The following COL4A5 variants were observed in gnomAD, a reference collection of about 807,000 sequenced individuals.
The protein encoded by COL4A5 is collagen alpha-5(IV) chain.
COL4A5 carries 26 observed loss-of-function variants against 130.2 expected under a neutral mutation model. The observed-to-expected ratio is 0.20, with a 90% CI of 0.15 to 0.28. The LOEUF (loss-of-function observed/expected upper bound fraction) is 0.28. Ranked by LOEUF, COL4A5 falls within the 10% of genes least tolerant of loss-of-function variation. The pLI is 1.00. For missense variants in COL4A5, 1,131 were observed against 1,344.3 expected (o/e 0.84, Z 2.48); for synonymous variants, 496 against 439.6 (o/e 1.13, Z -1.60).
At chrX:108,517,248 A>G (rs1284677904) in intron 1 of COL4A5, among the ~76,000 whole-genome samples, 1 of 111,574 alleles carries the variant, frequency 9.0e-6, no homozygotes, top group Non-Finnish European at 1.9e-5. Context: ...TTATAAATGA[A>G]TAACAATCAT....
At chrX:108,510,078 TCTTA>T (rs1489379640) in intron 1 of COL4A5, among the ~76,000 whole-genome samples, 1 of 112,188 alleles carries the variant, frequency 8.9e-6, no homozygotes, top group Non-Finnish European at 1.9e-5. Flanking sequence ...TGCTGCATGT[TCTTA>T]CTTGTAAGTG....
chrX:108,641,211 A>G (rs1479112747), intron 36 of COL4A5, among the ~76,000 whole-genome samples: 1 of 112,224 alleles, frequency 8.9e-6, no homozygotes, highest in East Asian at 2.8e-4. Flanking sequence ...TGGCTCAGCA[A>G]TTCCACTCCT....
At chrX:108,626,452 A>C (rs1382890539) in intron 36 of COL4A5, 103 bp downstream of exon 36, 7 of 1,170,140 alleles carry the variant, frequency 6.0e-6, no homozygotes, top group Non-Finnish European at 8.1e-6. Flanking sequence ...ATAGAATGAC[A>C]TAGTATATTC....
chrX:108,441,943 G>A (rs1206891823), intron 1 of COL4A5, among the ~76,000 whole-genome samples: 1 of 111,685 alleles, frequency 9.0e-6, no homozygotes, highest in African/African-American at 3.3e-5. Flanking sequence ...GAGCAAGCTT[G>A]TTTTCTTGGA....
rs1399681502 is a variant in COL4A5, at chrX:108,469,356, G to A, written c.81+29150G>A. On this transcript the variant is annotated intron_variant, in intron 1 of 52. Transcript: ENST00000328300. ...GATGGGGTCTTGCTTTGTTGCCCAG[G>A]CTGGTCTCAAACTCCTGGGCTCAAG... 2.8e-5 allele frequency among the ~76,000 whole-genome samples: 3 copies of A among 108,818 alleles called. No individual in the cohort carries two copies. The South Asian group carries it at 1.2e-3, about 44-fold the overall frequency. The allele number at this position is 108,818 out of a possible 115,157, so 94.5% of individuals were successfully genotyped here. A position where few individuals can be genotyped will look rare whatever the true frequency, so the allele number is the denominator to read the frequency against.
chrX:108,578,350 A>C lies in COL4A5; in HGVS notation c.747A>C (p.Arg249Ser), dbSNP rs756221572. ...CTGGGCAGATCAGTGAACAGAAAAG[A>C]CCAATTGATGTAGAGTTTCAGAAAG... The part of the protein sequence containing the change: ...GPPGQISEQK[R>S]PIDVEFQKGD... Residue 249 changes from arginine to serine, a missense_variant, in exon 13 of 53, where the codon AGA becomes AGC. Physicochemically the swap from Arg to Ser is moderately radical, Grantham distance 110. Coordinates refer to ENST00000328300, the MANE Select transcript of COL4A5 (RefSeq NM_033380.3). The C allele has an allele frequency of 8.3e-7, 1 of 1,209,668 alleles. No homozygotes were observed. The highest frequency in any genetic ancestry group is 1.1e-6 in the Non-Finnish European group (1 of 893,723).
chrX:108,688,397 G>A (rs888710734), intron 49 of COL4A5, among the ~76,000 whole-genome samples: 2 of 109,711 alleles, frequency 1.8e-5, no homozygotes, highest in African/African-American at 6.6e-5. Context: ...AAGTCCCATT[G>A]TCTTACCTGG....
intron 1 of COL4A5, among the ~76,000 whole-genome samples, chrX:108,479,038 C>T (rs2064863606): frequency 8.9e-6 from 1 of 112,192 alleles, no homozygotes; most frequent in Non-Finnish European, 1.9e-5. Context: ...TGAGCCCATG[C>T]ATAACCTCCA....
At chrX:108,630,452 T>C (rs1014927807) in intron 36 of COL4A5, among the ~76,000 whole-genome samples, 21 of 112,307 alleles carry the variant, frequency 1.9e-4, no homozygotes, top group African/African-American at 6.8e-4. Context: ...TGCATAAATG[T>C]CTTTTGAGAA....
chrX:108,502,070 A>T (rs2065084652), intron 1 of COL4A5, among the ~76,000 whole-genome samples: 1 of 112,234 alleles, frequency 8.9e-6, no homozygotes, highest in Admixed American at 9.4e-5. Flanking sequence ...GCAGTATGTT[A>T]GCTCAGATAT....
At chrX:108,695,166 A>T (rs1425718099) in intron 51 of COL4A5, 101 bp from the exon 52 acceptor site, 1 of 1,053,122 alleles carries the variant, frequency 9.5e-7, no homozygotes, top group Non-Finnish European at 1.3e-6. Flanking sequence ...CTGTTCCTTC[A>T]CTAGATTTGA....
chrX:108,486,095 T>C (rs769661466), intron 1 of COL4A5, among the ~76,000 whole-genome samples: 3 of 111,285 alleles, frequency 2.7e-5, no homozygotes, highest in Admixed American at 1.9e-4. Flanking sequence ...CAGGGCAGCA[T>C]TGAATTCAAT....
At chrX:108,462,411 T>G (rs2064662288) in intron 1 of COL4A5, 2 of 112,128 alleles carry the variant, frequency 1.8e-5, no homozygotes, top group African/African-American at 3.2e-5. Flanking sequence ...TTTTATTTTA[T>G]TTTTGTTTGT....
chrX:108,482,661 G>A (rs1215185048), intron 1 of COL4A5, among the ~76,000 whole-genome samples: 5 of 111,693 alleles, frequency 4.5e-5, no homozygotes, highest in African/African-American at 1.6e-4. Flanking sequence ...GGCTGTGCAT[G>A]CATCTTTCAT....
intron 17 of COL4A5, among the ~76,000 whole-genome samples, chrX:108,583,273 C>T (rs1455596323): frequency 1.8e-5 from 2 of 111,841 alleles, no homozygotes; most frequent in Non-Finnish European, 3.8e-5. Context: ...TTAGTGAGGT[C>T]CTCTTACTAA....
At chrX:108,598,368 G>A (rs188499864) in intron 24 of COL4A5, among the ~76,000 whole-genome samples, 35 of 111,603 alleles carry the variant, frequency 3.1e-4, no homozygotes, top group Admixed American at 7.6e-4. Context: ...CACAGCCCAG[G>A]ATATTTAGGT....
At chrX:108,603,550 A>G (rs2066678911) in intron 28 of COL4A5, among the ~76,000 whole-genome samples, 1 of 112,432 alleles carries the variant, frequency 8.9e-6, no homozygotes, top group East Asian at 2.8e-4. Flanking sequence ...TTTAGCAATC[A>G]TCTAAGCTTG....
At chrX:108,599,597 A>G (rs1342391466) in intron 25 of COL4A5, among the ~76,000 whole-genome samples, 1 of 111,674 alleles carries the variant, frequency 9.0e-6, no homozygotes, top group Non-Finnish European at 1.9e-5. Context: ...AGATAGATAG[A>G]TCCCTATATC....
chrX:108,578,488 T>C (rs899749126), intron 13 of COL4A5, 105 bp downstream of exon 13: 1 of 586,145 alleles, frequency 1.7e-6, no homozygotes, highest in African/African-American at 2.2e-5. Context: ...AAACATCACA[T>C]TGTTTACACC....
Sources: allele counts gnomAD v4.1 joint callset (sites outside exome capture counted in the v4.1 genomes callset), GRCh38; gene constraint gnomAD v4.1.1; transcripts MANE v1.5; gene names NCBI Gene and HGNC (gene_info 2026-07-23, HGNC 2026-07-21).